Variants in PAIP2 observed in about 807,000 individuals in gnomAD.
The protein encoded by PAIP2 is poly(A) binding protein interacting protein 2.
A neutral mutation model predicts 14.8 loss-of-function variants in PAIP2; 7 were observed. That is an observed-to-expected ratio of 0.47 (90% CI 0.27 to 0.89). PAIP2 has a LOEUF of 0.89. Ranked by LOEUF, PAIP2 falls within the 40% of genes least tolerant of loss-of-function variation. The probability of loss-of-function intolerance (pLI) is 0.13; values close to 1 mark genes in which losing one functional copy is unlikely to be tolerated. For missense variants in PAIP2, 122 were observed against 154.7 expected, an observed-to-expected ratio of 0.79 and a Z score of 1.12; for synonymous variants, 47 against 45.3, an observed-to-expected ratio of 1.04 and a Z score of -0.15.
chr5:139,351,032 A>G (rs1456408004), intron 1 of PAIP2, among the ~76,000 whole-genome samples: 1 of 152,198 alleles, frequency 6.6e-6, no homozygotes, highest in East Asian at 1.9e-4. Context: ...TACAGGAAAT[A>G]TAATCTCAAT....
chr5:139,352,991 C>G (rs1581303227), intron 1 of PAIP2, among the ~76,000 whole-genome samples: 1 of 151,744 alleles, frequency 6.6e-6, no homozygotes, highest in East Asian at 2.0e-4. Flanking sequence ...TGGAGCATGC[C>G]TGTAATCCCA....
intron 2 of PAIP2, 62 bp downstream of exon 2, chr5:139,363,984 G>A: frequency 1.4e-6 from 2 of 1,417,220 alleles, no homozygotes; most frequent in Non-Finnish European, 2.0e-6. Context: ...GATTGTACTT[G>A]TCCCTGAAAT....
chr5:139,359,669 A>G (rs1206634036), intron 1 of PAIP2, among the ~76,000 whole-genome samples: 1 of 151,910 alleles, frequency 6.6e-6, no homozygotes, highest in Non-Finnish European at 1.5e-5. Context: ...AGCCTGCCAT[A>G]TAAGAATGAG....
At chr5:139,352,476 T>A (rs1357618988) in intron 1 of PAIP2, among the ~76,000 whole-genome samples, 1 of 151,358 alleles carries the variant, frequency 6.6e-6, no homozygotes, top group Non-Finnish European at 1.5e-5. Context: ...CTTTCTCAGT[T>A]AATTCCTGCC....
intron 1 of PAIP2, among the ~76,000 whole-genome samples, chr5:139,358,965 A>T (rs1379930850): frequency 6.6e-6 from 1 of 152,130 alleles, no homozygotes; most frequent in African/African-American, 2.4e-5. Context: ...ACTGAATCAA[A>T]CACTTTAAAA....
chr5:139,366,854 A>T (rs1435841351), intron 3 of PAIP2, among the ~76,000 whole-genome samples: 2 of 152,106 alleles, frequency 1.3e-5, no homozygotes, highest in African/African-American at 4.8e-5. Context: ...TTGGCCCAGG[A>T]GTTCGAGACC....
chr5:139,354,586 C>T (rs1756850519), intron 1 of PAIP2, among the ~76,000 whole-genome samples: 1 of 152,224 alleles, frequency 6.6e-6, no homozygotes, highest in African/African-American at 2.4e-5. Context: ...GCTGTTATCT[C>T]TTCAAATGTT....
chr5:139,349,942 C>T (rs891049214), intron 1 of PAIP2, among the ~76,000 whole-genome samples: 2 of 152,038 alleles, frequency 1.3e-5, no homozygotes, highest in African/African-American at 4.8e-5. Context: ...GCAGAGGTTA[C>T]AGTGATCCGA....
chr5:139,364,150 A>G (rs1042115457), intron 2 of PAIP2: 1 of 515,696 alleles, frequency 1.9e-6, no homozygotes, highest in Non-Finnish European at 3.4e-6. Flanking sequence ...AATCAGGAGG[A>G]TGAGGGTGGA....
At chr5:139,358,321 C>T (rs760558029) in intron 1 of PAIP2, among the ~76,000 whole-genome samples, 2 of 152,172 alleles carry the variant, frequency 1.3e-5, no homozygotes, top group Non-Finnish European at 2.9e-5. Flanking sequence ...CCCTTAAATG[C>T]AATACTATTG....
At chr5:139,346,137 C>T (rs1260189890) in intron 1 of PAIP2, among the ~76,000 whole-genome samples, 1 of 152,170 alleles carries the variant, frequency 6.6e-6, no homozygotes, top group Non-Finnish European at 1.5e-5. Flanking sequence ...TTGCTGACTT[C>T]CAGGCAGTAG....
At chr5:139,351,726 C>T (rs1048632535) in intron 1 of PAIP2, among the ~76,000 whole-genome samples, 11 of 152,008 alleles carry the variant, frequency 7.2e-5, no homozygotes, top group Admixed American at 1.3e-4. Flanking sequence ...CTGTATCACC[C>T]AGGCTGGAGT....
intron 1 of PAIP2, 32 bp from the exon 2 acceptor site, chr5:139,363,727 A>T: frequency 6.3e-7 from 1 of 1,583,250 alleles, no homozygotes; most frequent in Non-Finnish European, 8.6e-7. Flanking sequence ...CTGAATGAGT[A>T]AGTAAATTAA....
chr5:139,368,813 C>A lies in PAIP2; in HGVS notation c.*15C>A, dbSNP rs765767686. 1.3e-5 allele frequency: 21 copies of A among 1,583,454 alleles called. No homozygotes were observed. Among genetic ancestry groups the A allele is most frequent in the Non-Finnish European group, 1.7e-5 (20 of 1,152,616 alleles). On this transcript the variant is annotated 3_prime_UTR_variant, in exon 4 of 4. Transcript: ENST00000265192. ...GAAATATTTGAGTAGACGGGGCCCT[C>A]TTTTGGTGGATGTAGCACAATTTCC...
chr5:139,368,124 A>G (rs1757394265), intron 3 of PAIP2, among the ~76,000 whole-genome samples: 2 of 152,236 alleles, frequency 1.3e-5, no homozygotes, highest in South Asian at 4.1e-4. Context: ...TCACGAGGTC[A>G]GGAGATCGAG....
At chr5:139,367,950 T>C (rs868605861) in intron 3 of PAIP2, among the ~76,000 whole-genome samples, 1 of 152,236 alleles carries the variant, frequency 6.6e-6, no homozygotes, top group Non-Finnish European at 1.5e-5. Flanking sequence ...ACGCCTGTAG[T>C]CCCAGCATTT....
At chr5:139,342,378 A>G (rs1265894142) in intron 1 of PAIP2, 1 of 150,564 alleles carries the variant, frequency 6.6e-6, no homozygotes, top group East Asian at 2.0e-4. Context: ...GTTTCTACCC[A>G]CTTTACGCCT....
At chr5:139,351,099 C>T (rs1289174687) in intron 1 of PAIP2, among the ~76,000 whole-genome samples, 4 of 152,144 alleles carry the variant, frequency 2.6e-5, no homozygotes, top group Non-Finnish European at 5.9e-5. Context: ...TTTAGCTCAT[C>T]TGATTGCAAA....
chr5:139,355,480 C>T (rs191576577), intron 1 of PAIP2, among the ~76,000 whole-genome samples: 5 of 152,146 alleles, frequency 3.3e-5, no homozygotes, highest in Admixed American at 2.0e-4. Flanking sequence ...CTATTTGTCT[C>T]TACTGATATT....
Sources: allele counts gnomAD v4.1 joint callset (sites outside exome capture counted in the v4.1 genomes callset), GRCh38; gene constraint gnomAD v4.1.1; transcripts MANE v1.5; gene names NCBI Gene and HGNC (gene_info 2026-07-23, HGNC 2026-07-21).